Variants in MKLN1 observed in about 807,000 individuals in gnomAD.
MKLN1 encodes the protein muskelin.
A neutral mutation model predicts 99.0 loss-of-function variants in MKLN1; 18 were observed. The observed-to-expected ratio is 0.18, with a 90% CI of 0.13 to 0.27. The LOEUF is 0.27. MKLN1 is among the 10% of genes least tolerant of loss of function. MKLN1 has a pLI of 1.00. For synonymous variants in MKLN1, 288 were observed against 293.2 expected (o/e 0.98, Z 0.18); for missense variants, 621 against 875.9 (o/e 0.71, Z 3.67).
intron 2 of MKLN1, among the ~76,000 whole-genome samples, chr7:131,172,594 C>T (rs556823840): frequency 3.3e-5 from 5 of 152,258 alleles, no homozygotes; most frequent in African/African-American, 7.2e-5. Context: ...GGATTACAGG[C>T]GTGAGCCACC....
At chr7:131,360,675 T>C (rs922158148) in intron 1 of MKLN1, among the ~76,000 whole-genome samples, 10 of 152,190 alleles carry the variant, frequency 6.6e-5, no homozygotes, top group African/African-American at 2.4e-4. Flanking sequence ...TTTGAACAGT[T>C]ATTTGTTAGA....
At chr7:131,410,965 A>G (rs1306352088) in intron 6 of MKLN1, among the ~76,000 whole-genome samples, 3 of 151,996 alleles carry the variant, frequency 2.0e-5, no homozygotes, top group Non-Finnish European at 4.4e-5. Context: ...TCCTTCTTTC[A>G]AGGTCTCTAA....
In MKLN1 at chr7:131,443,716, G is replaced by C. The variant is rs370070043; in HGVS notation, c.1395+14G>C. The C allele has an allele frequency of 6.6e-7, 1 of 1,519,722 alleles. No individual in the cohort carries two copies. Among genetic ancestry groups the C allele is most frequent in the South Asian group, 1.1e-5 (1 of 89,156 alleles). 94.1% of individuals were successfully genotyped at this position (1,519,722 alleles called of 1,614,324 possible). A position where few individuals can be genotyped will look rare whatever the true frequency, so the allele number is the denominator to read the frequency against. ...TTATTCCACTCAGTAAGAACATTCC[G>C]TACATTGCGTAAATGTTATTTTGTC... On this transcript the variant is annotated intron_variant, in intron 11 of 17. Transcript: ENST00000352689.
At chr7:131,444,763 AAGTAGTAGTAGTAGT>A (rs60459266) in intron 11 of MKLN1, among the ~76,000 whole-genome samples, 1,933 of 117,926 alleles carry the variant, frequency 0.016, 47 homozygotes, top group African/African-American at 0.056. Flanking sequence ...GTAGTAGAAG[AAGTAGTAGTAGTAGT>A]AGTAGTAGTA....
chr7:131,464,349 C>G lies in MKLN1; in HGVS notation c.1729C>G (p.Gln577Glu). The change falls in exon 14 of 18, where the codon CAG (glutamine) becomes GAG (glutamate). Residue 577 changes from glutamine to glutamate, a missense_variant. By Grantham distance (29) the Gln-to-Glu change is conservative (BLOSUM62 2). Around this residue, in one of 8 missense-constraint regions of MKLN1, gnomAD observed 30 missense variants for 29.3 expected, o/e 1.02. Transcript: ENST00000352689. ...AAKDNPTKSL[Q>E]EEEPCPRFAH... ...AAAGGATAATCCAACTAAAAGTCTT[C>G]AGGAAGAAGAACCATGTCCAAGGTT... 3.7e-6 allele frequency: 6 copies of G among 1,613,670 alleles called. No homozygotes were observed. Among genetic ancestry groups the G allele is most frequent in the Non-Finnish European group, 5.1e-6 (6 of 1,179,752 alleles).
At position 131,140,616 on chromosome 7, in the gene MKLN1, T is replaced by C. The variant is rs551482711; in HGVS notation, c.-418-2204T>C. ...GCCTGGTCCCCTTCACCTTCTGCCG[T>C]GAGTAAAAGCTTCCTGAGATCTTGC... On this transcript the variant is annotated intron_variant, in intron 1 of 7. Transcript: ENST00000416992. Among the ~76,000 whole-genome samples the C allele has an allele frequency of 3.3e-5, 5 of 152,324 alleles. No homozygotes were observed. The East Asian group carries it at 9.6e-4, about 29-fold the overall frequency.
At position 131,492,052 on chromosome 7, in the gene MKLN1, G is replaced by T. The variant is rs373711489; in HGVS notation, c.*4324G>T. ...ATGTACTTGAGTCATTTTCATTTGG[G>T]GATAGTAATAATGGCTGTGGCAGCT... On this transcript the variant is annotated 3_prime_UTR_variant, in exon 18 of 18. Coordinates refer to ENST00000352689, the MANE Select transcript of MKLN1 (RefSeq NM_013255.5). 6.6e-6 allele frequency: 1 copy of T among 152,086 alleles called. No individual in the cohort carries two copies. Among genetic ancestry groups the T allele is most frequent in the Non-Finnish European group, 1.5e-5 (1 of 67,986 alleles). The allele number at this position is 152,086 out of a possible 1,614,324, so 9.4% of individuals were successfully genotyped here.
At chr7:131,483,141 G>C (rs1397802461) in intron 17 of MKLN1, among the ~76,000 whole-genome samples, 2 of 152,152 alleles carry the variant, frequency 1.3e-5, no homozygotes, top group East Asian at 3.9e-4. Flanking sequence ...GTGATTAGGA[G>C]CATGAGGTTT....
intron 1 of MKLN1, among the ~76,000 whole-genome samples, chr7:131,134,043 T>A (rs2116237022): frequency 6.6e-6 from 1 of 151,706 alleles, no homozygotes; most frequent in Admixed American, 6.6e-5. Context: ...TTGGCCAGTC[T>A]GGTCTTGAAC....
chr7:131,199,724 C>T (rs1796698281), intron 2 of MKLN1, among the ~76,000 whole-genome samples: 1 of 152,178 alleles, frequency 6.6e-6, no homozygotes, highest in Non-Finnish European at 1.5e-5. Context: ...GACGGAGTCT[C>T]ACTCTATCAC....
chr7:131,180,289 C>G (rs1176276052), intron 2 of MKLN1, among the ~76,000 whole-genome samples: 3 of 152,184 alleles, frequency 2.0e-5, no homozygotes, highest in Admixed American at 6.5e-5. Context: ...GACTCGTTCC[C>G]AAGAGCAATC....
At chr7:131,136,336 G>A (rs953799522) in intron 1 of MKLN1, among the ~76,000 whole-genome samples, 2 of 152,168 alleles carry the variant, frequency 1.3e-5, no homozygotes, top group African/African-American at 4.8e-5. Context: ...TGAAAATGCT[G>A]TACTTCAAAA....
chr7:131,284,538 G>T (rs1798104945), intron 3 of MKLN1, among the ~76,000 whole-genome samples: 1 of 152,162 alleles, frequency 6.6e-6, no homozygotes, highest in Admixed American at 6.5e-5. Context: ...AAAGGGTGGG[G>T]AAGTACCACT....
At chr7:131,314,509 G>A (rs947753050) in intron 3 of MKLN1, among the ~76,000 whole-genome samples, 3 of 152,038 alleles carry the variant, frequency 2.0e-5, no homozygotes, top group Non-Finnish European at 2.9e-5. Flanking sequence ...TGCAAGCTCC[G>A]CGTCCCAGGT....
chr7:131,464,404 A>G lies in MKLN1; in HGVS notation c.1784A>G (p.His595Arg). 2 of 1,599,064 alleles carry G rather than the reference A, an allele frequency of 1.3e-6. No homozygotes were observed. Among genetic ancestry groups the G allele is most frequent in the Non-Finnish European group, 1.7e-6 (2 of 1,166,488 alleles). ...CATCAGCTTGTATACGATGAGCTAC[A>G]CAAGGTATCCTAACTACATTGACCT... is the stretch of plus-strand genomic sequence containing the variant. ...FAHQLVYDEL[H>R]KVHYLFGGNP... is the part of the protein sequence containing the mutation. The change falls in exon 14 of 18, where the codon CAC (histidine) becomes CGC (arginine). Residue 595 changes from histidine to arginine, a missense_variant. Physicochemically the swap from His to Arg is conservative, Grantham distance 29 (BLOSUM62 0). Transcript: ENST00000352689.
intron 12 of MKLN1, among the ~76,000 whole-genome samples, chr7:131,458,373 A>T (rs777536998): frequency 6.6e-6 from 1 of 152,190 alleles, no homozygotes; most frequent in African/African-American, 2.4e-5. Context: ...AATCTAAGAA[A>T]TGCTAGAAGT....
intron 1 of MKLN1, among the ~76,000 whole-genome samples, chr7:131,333,965 AG>A (rs1227423197): frequency 6.6e-6 from 1 of 152,220 alleles, no homozygotes; most frequent in Non-Finnish European, 1.5e-5. Context: ...GTAATTTGGA[AG>A]AAAACATATT....
chr7:131,309,156 G>A (rs1798516800), intron 3 of MKLN1, among the ~76,000 whole-genome samples: 1 of 152,190 alleles, frequency 6.6e-6, no homozygotes, highest in Non-Finnish European at 1.5e-5. Context: ...TTAAAATCAT[G>A]TCCTGTAGAC....
At chr7:131,420,457 C>CT (rs1197209361) in intron 8 of MKLN1, among the ~76,000 whole-genome samples, 1 of 152,070 alleles carries the variant, frequency 6.6e-6, no homozygotes, top group Non-Finnish European at 1.5e-5. Flanking sequence ...TAACCATTCT[C>CT]TAAGATGGGT....
Sources: gnomAD v4.1 joint callset for allele counts (sites outside exome capture counted in the v4.1 genomes callset) on GRCh38, gnomAD v4.1.1 for gene constraint, gnomAD v4.1.1 regional missense constraint, MANE v1.5 for transcripts, NCBI Gene and HGNC (gene_info 2026-07-23, HGNC 2026-07-21) for gene names.